The following TMEM163 variants were observed in gnomAD, a reference collection of about 807,000 sequenced individuals.
The protein encoded by TMEM163 is transmembrane protein 163.
Under a neutral mutation model 29.3 loss-of-function variants are expected in TMEM163, and 17 were observed. That is an observed-to-expected ratio of 0.58 (90% CI 0.40 to 0.87). The LOEUF is 0.87. Among genes scored for constraint, TMEM163 ranks in the 40% least tolerant of loss-of-function variants. The pLI is 0.00. For missense variants in TMEM163, 303 were observed against 381.5 expected (o/e 0.79, Z 1.71); for synonymous variants, 157 against 160.6 (o/e 0.98, Z 0.17).
At chr2:134,576,325 C>A in intron 2 of TMEM163, among the ~76,000 whole-genome samples, 1 of 152,142 alleles carries the variant, frequency 6.6e-6, no homozygotes, top group East Asian at 1.9e-4. Flanking sequence ...GCATTTCTCA[C>A]CAAACCCTAA....
At chr2:134,670,323 C>T (rs1683965422) in intron 2 of TMEM163, among the ~76,000 whole-genome samples, 1 of 152,178 alleles carries the variant, frequency 6.6e-6, no homozygotes, top group African/African-American at 2.4e-5. Flanking sequence ...CAAGGTCACT[C>T]TGGAGACCTC....
intron 2 of TMEM163, among the ~76,000 whole-genome samples, chr2:134,683,891 C>G (rs1160701439): frequency 6.6e-6 from 1 of 152,206 alleles, no homozygotes; most frequent in Non-Finnish European, 1.5e-5. Flanking sequence ...ACTTTTAGCA[C>G]TGGTGACTAT....
intron 2 of TMEM163, among the ~76,000 whole-genome samples, chr2:134,589,446 A>G (rs1681893207): frequency 6.6e-6 from 1 of 152,190 alleles, no homozygotes; most frequent in Non-Finnish European, 1.5e-5. Flanking sequence ...CAAAACCAAG[A>G]AGGCGATGAA....
chr2:134,541,307 T>C (rs939639395), intron 4 of TMEM163, among the ~76,000 whole-genome samples: 1 of 152,258 alleles, frequency 6.6e-6, no homozygotes, highest in Admixed American at 6.5e-5. Flanking sequence ...CATGGAGAAT[T>C]AGCATTGCTG....
chr2:134,629,632 C>T (rs1402665912), intron 2 of TMEM163, among the ~76,000 whole-genome samples: 1 of 152,164 alleles, frequency 6.6e-6, no homozygotes, highest in Non-Finnish European at 1.5e-5. Context: ...CTACTTCCCC[C>T]TCTCCAATCT....
At position 134,656,537 on chromosome 2, in the gene TMEM163, C is replaced by T. The variant is rs529659175; in HGVS notation, c.322+56663G>A. 2.0e-3 allele frequency among the ~76,000 whole-genome samples: 300 copies of T among 152,280 alleles called. 1 individual carries two copies. Among genetic ancestry groups the T allele is most frequent in the African/African-American group, 6.9e-3 (288 of 41,544 alleles). On this transcript the variant is annotated intron_variant, in intron 2 of 7. Coordinates refer to ENST00000281924, the MANE Select transcript of TMEM163 (RefSeq NM_030923.5). The stretch of plus-strand genomic sequence containing the variant: ...GTCGCTCACGCTGGGAGCTGTAGAC[C>T]GGAGCTGTTCCTATTCGGCCATCTT...
intron 2 of TMEM163, among the ~76,000 whole-genome samples, chr2:134,700,859 A>G (rs543927830): frequency 4.9e-4 from 75 of 152,020 alleles, no homozygotes; most frequent in Non-Finnish European, 1.0e-3. Context: ...AGAGACCGTG[A>G]CACTGCACTC....
intron 2 of TMEM163, among the ~76,000 whole-genome samples, chr2:134,572,827 G>A (rs541931568): frequency 3.9e-5 from 6 of 152,370 alleles, no homozygotes; most frequent in African/African-American, 1.4e-4. Context: ...GCCCTGCAAA[G>A]AGGCAATATT....
At chr2:134,467,239 G>A (rs955906531) in intron 5 of TMEM163, 2 of 152,174 alleles carry the variant, frequency 1.3e-5, no homozygotes, top group African/African-American at 4.8e-5. Flanking sequence ...CAAATTCTTT[G>A]CTACTCCATC....
intron 2 of TMEM163, among the ~76,000 whole-genome samples, chr2:134,582,403 T>C (rs1318963248): frequency 6.6e-6 from 1 of 152,216 alleles, no homozygotes; most frequent in Non-Finnish European, 1.5e-5. Flanking sequence ...CGCACGCTTT[T>C]TGCAAGAGGT....
At chr2:134,625,307 C>T (rs1682824164) in intron 2 of TMEM163, among the ~76,000 whole-genome samples, 1 of 152,216 alleles carries the variant, frequency 6.6e-6, no homozygotes, top group South Asian at 2.1e-4. Flanking sequence ...GAAGTCAATA[C>T]ACATGGATTG....
In TMEM163 at chr2:134,713,301, G is replaced by C. The variant is rs559676274; in HGVS notation, c.221C>G (p.Thr74Ser). 43 of 1,614,052 alleles carry C rather than the reference G, an allele frequency of 2.7e-5. No individual in the cohort carries two copies. In the South Asian group the frequency reaches 4.1e-4, roughly 15 times the overall value. Residue 74 changes from threonine (T) to serine (S), a missense_variant, in exon 2 of 8, where the codon ACC becomes AGC. Thr to Ser is a moderately conservative substitution (Grantham distance 58). Around this residue, in one of 2 missense-constraint regions of TMEM163, gnomAD observed 203 missense variants for 294.3 expected, o/e 0.69. Coordinates refer to ENST00000281924, the MANE Select transcript of TMEM163 (RefSeq NM_030923.5). ...CTGGGCTTCGTGAGGTTTCAGGCGG[G>C]TGCTGCTTTCTAGTAAGCCTGACAA... ...LEDRGLLESS[T>S]RLKPHEAQNY...
chr2:134,513,939 C>T (rs1680000642), intron 4 of TMEM163, among the ~76,000 whole-genome samples: 1 of 152,212 alleles, frequency 6.6e-6, no homozygotes. Context: ...AACCAACACC[C>T]CTGGGTGTAG....
intron 2 of TMEM163, among the ~76,000 whole-genome samples, chr2:134,579,609 C>G (rs1409808631): frequency 6.6e-6 from 1 of 152,086 alleles, no homozygotes; most frequent in Non-Finnish European, 1.5e-5. Flanking sequence ...AACAAAGGAG[C>G]TAATGAACAG....
intron 4 of TMEM163, among the ~76,000 whole-genome samples, chr2:134,525,267 T>G (rs1187968994): frequency 1.3e-5 from 2 of 152,212 alleles, no homozygotes; most frequent in Non-Finnish European, 2.9e-5. Context: ...TCAGCTTCAC[T>G]CCATCCCTCC....
At chr2:134,677,298 A>G (rs1323606818) in intron 2 of TMEM163, among the ~76,000 whole-genome samples, 1 of 152,210 alleles carries the variant, frequency 6.6e-6, no homozygotes, top group Non-Finnish European at 1.5e-5. Flanking sequence ...AGTGTCAGCA[A>G]CTGATCTTGC....
chr2:134,523,286 A>G (rs1370782536), intron 4 of TMEM163, among the ~76,000 whole-genome samples: 2 of 152,136 alleles, frequency 1.3e-5, no homozygotes, highest in Non-Finnish European at 2.9e-5. Flanking sequence ...AACTGCGACA[A>G]CACCACAGAA....
intron 2 of TMEM163, among the ~76,000 whole-genome samples, chr2:134,671,171 CAA>C (rs1683987875): frequency 6.6e-6 from 1 of 152,204 alleles, no homozygotes; most frequent in South Asian, 2.1e-4. Flanking sequence ...GCAAATAAGG[CAA>C]AGACTGGCAC....
intron 4 of TMEM163, among the ~76,000 whole-genome samples, chr2:134,549,860 T>TTGTGTG (rs59083525): frequency 6.7e-6 from 1 of 150,042 alleles, no homozygotes. Flanking sequence ...GTGTGTGTGT[T>TTGTGTG]TGTGTGTGTG....
Sources: allele counts gnomAD v4.1 joint callset (sites outside exome capture counted in the v4.1 genomes callset), GRCh38; gene constraint gnomAD v4.1.1; regional missense constraint gnomAD v4.1.1; transcripts MANE v1.5; gene names NCBI Gene and HGNC (gene_info 2026-07-23, HGNC 2026-07-21).